The following STAC variants were observed in gnomAD, a reference collection of about 807,000 sequenced individuals.
STAC encodes the protein SH3 and cysteine rich domain.
STAC carries 43 observed loss-of-function variants against 48.8 expected under a neutral mutation model. The observed-to-expected ratio is 0.88, with a 90% CI of 0.69 to 1.14. The LOEUF (loss-of-function observed/expected upper bound fraction) is 1.14, where lower values mean the gene tolerates loss of function less well. STAC is among the 50% of genes most tolerant of loss of function. The pLI, the probability that STAC is intolerant of heterozygous loss-of-function variation, is 0.00. For synonymous variants in STAC, 193 were observed against 179.5 expected (o/e 1.07, Z -0.60); for missense variants, 497 against 504.0 (o/e 0.99, Z 0.13).
chr3:36,443,457 A>C lies in STAC; in HGVS notation c.205A>C (p.Met69Leu). 1 of 1,614,242 alleles carries C rather than the reference A, an allele frequency of 6.2e-7. No individual in the cohort carries two copies. Among genetic ancestry groups the C allele is most frequent in the Non-Finnish European group, 8.5e-7 (1 of 1,180,042 alleles). ...NFFQRTNSED[M>L]KLQAHMVAEI... ...CTTCCAGCGAACCAACAGCGAAGACATGAAACTGCAAGCACACATGGTGGC... is the reference window on the plus strand; with the variant it reads ...CTTCCAGCGAACCAACAGCGAAGACCTGAAACTGCAAGCACACATGGTGGC... Residue 69 changes from methionine (M) to leucine (L), a missense_variant, in exon 2 of 11, where the codon ATG becomes CTG. Met to Leu is a conservative substitution (Grantham distance 15). Coordinates refer to ENST00000273183, the MANE Select transcript of STAC (RefSeq NM_003149.3). The surrounding 1 kb of genome is among the most constrained non-coding windows in gnomAD (Gnocchi z 4.2).
chr3:36,392,435 G>T (rs576206017), intron 1 of STAC, among the ~76,000 whole-genome samples: 2 of 152,140 alleles, frequency 1.3e-5, no homozygotes, highest in East Asian at 1.9e-4. Context: ...AGCCTCCCAG[G>T]CTCAAGCAAT....
At chr3:36,408,165 T>C (rs1559480289) in intron 1 of STAC, among the ~76,000 whole-genome samples, 1 of 152,238 alleles carries the variant, frequency 6.6e-6, no homozygotes, top group Non-Finnish European at 1.5e-5. Flanking sequence ...TCACAGTGAC[T>C]ATCCCATCAC....
chr3:36,421,483 T>C (rs1184859893), intron 1 of STAC, among the ~76,000 whole-genome samples: 1 of 152,160 alleles, frequency 6.6e-6, no homozygotes, highest in Non-Finnish European at 1.5e-5. Context: ...TGTAAACTTC[T>C]GACAGGATAC....
intron 10 of STAC, among the ~76,000 whole-genome samples, chr3:36,536,113 T>G (rs1427215875): frequency 6.6e-6 from 1 of 152,194 alleles, no homozygotes; most frequent in African/African-American, 2.4e-5. Context: ...TTTTTTTGGT[T>G]GGTAGGCTAT....
chr3:36,536,415 A>T (rs904444746), intron 10 of STAC, among the ~76,000 whole-genome samples: 1 of 152,206 alleles, frequency 6.6e-6, no homozygotes, highest in Non-Finnish European at 1.5e-5. Context: ...CCAGTGGAAC[A>T]GTATAGAGGT....
At chr3:36,398,597 G>GAAGGAAGGAAGGAAGA (rs778907424) in intron 1 of STAC, among the ~76,000 whole-genome samples, 1 of 79,558 alleles carries the variant, frequency 1.3e-5, no homozygotes, top group Non-Finnish European at 2.3e-5. Flanking sequence ...AGGAAGGAAG[G>GAAGGAAGGAAGGAAGA]AAGAAAGGAA....
At chr3:36,396,149 A>G (rs1195320657) in intron 1 of STAC, among the ~76,000 whole-genome samples, 1 of 152,170 alleles carries the variant, frequency 6.6e-6, no homozygotes, top group Non-Finnish European at 1.5e-5. Context: ...ACAAGCTTAG[A>G]GATTTTCATA....
chr3:36,484,895 T>G, intron 3 of STAC, 82 bp from the exon 4 acceptor site: 2 of 1,106,124 alleles, frequency 1.8e-6, no homozygotes, highest in Non-Finnish European at 2.5e-6. Flanking sequence ...GAGAAACCAA[T>G]TGGTTTTATT....
chr3:36,486,083 C>T (rs758364785), intron 4 of STAC, 51 bp from the exon 5 acceptor site: 8 of 1,438,714 alleles, frequency 5.6e-6, no homozygotes, highest in South Asian at 1.2e-5. Flanking sequence ...AGGCAGTTGG[C>T]TGGGTCCTCT....
chr3:36,415,180 C>T (rs556029961), intron 1 of STAC, among the ~76,000 whole-genome samples: 11 of 152,302 alleles, frequency 7.2e-5, no homozygotes, highest in African/African-American at 2.4e-4. Flanking sequence ...GGGAGAACCA[C>T]TACTCTCTTC....
chr3:36,455,983 G>A (rs914577581), intron 2 of STAC, among the ~76,000 whole-genome samples: 1 of 152,014 alleles, frequency 6.6e-6, no homozygotes, highest in Non-Finnish European at 1.5e-5. Context: ...TGCAGCCCCT[G>A]CCTCAACAAC....
chr3:36,469,184 T>C (rs2125690036), intron 2 of STAC, among the ~76,000 whole-genome samples: 1 of 152,246 alleles, frequency 6.6e-6, no homozygotes, highest in South Asian at 2.1e-4. Flanking sequence ...ATATAGGTCC[T>C]GTGAGATTTA....
At chr3:36,451,982 T>C (rs1042954109) in intron 2 of STAC, among the ~76,000 whole-genome samples, 2 of 152,224 alleles carry the variant, frequency 1.3e-5, no homozygotes, top group Non-Finnish European at 2.9e-5. Context: ...CAGGGCTTTC[T>C]GCTGGCTTTA....
intron 2 of STAC, among the ~76,000 whole-genome samples, chr3:36,455,081 G>A (rs1696813576): frequency 6.6e-6 from 1 of 152,218 alleles, no homozygotes; most frequent in African/African-American, 2.4e-5. Context: ...AGGGGAGAGT[G>A]TCTGATCATT....
At position 36,547,208 on chromosome 3, in the gene STAC, T is replaced by G. The variant is rs902480217; in HGVS notation, c.*919T>G. 6 of 152,296 alleles carry G rather than the reference T, an allele frequency of 3.9e-5. No individual in the cohort carries two copies. The highest frequency in any genetic ancestry group is 1.4e-4 in the African/African-American group (6 of 41,474). The allele number at this position is 152,296 out of a possible 1,614,324, so 9.4% of individuals were successfully genotyped here. A position where few individuals can be genotyped will look rare whatever the true frequency, so the allele number is the denominator to read the frequency against. ...CTCTATTGGAGGCAGCACTTTTCCCTCATGCTGTCCTATAGGACTCCACTT... is the reference window on the plus strand; with the variant it reads ...CTCTATTGGAGGCAGCACTTTTCCCGCATGCTGTCCTATAGGACTCCACTT... On this transcript the variant is annotated 3_prime_UTR_variant, in exon 11 of 11. Transcript: ENST00000273183.
At position 36,530,668 on chromosome 3, in the gene STAC, T is replaced by C. The variant is rs1328226295; in HGVS notation, c.1110+1683T>C. 3.6e-5 allele frequency among the ~76,000 whole-genome samples: 5 copies of C among 138,680 alleles called. 1 individual carries two copies. In the Admixed American group the frequency reaches 4.1e-4, roughly 11 times the overall value. 91.0% of individuals were successfully genotyped at this position (138,680 alleles called of 152,430 possible). A position where few individuals can be genotyped will look rare whatever the true frequency, so the allele number is the denominator to read the frequency against. Reference sequence around the variant, plus strand: ...TGGAGTGCAATGGCACAATCTCGGCTCACAGCAACCTCCACCTCCCAGGTT... The same window carrying C: ...TGGAGTGCAATGGCACAATCTCGGCCCACAGCAACCTCCACCTCCCAGGTT... On this transcript the variant is annotated intron_variant, in intron 10 of 10. Coordinates refer to ENST00000273183, the MANE Select transcript of STAC (RefSeq NM_003149.3).
chr3:36,482,283 T>G (rs1265817399), intron 2 of STAC, among the ~76,000 whole-genome samples: 1 of 152,182 alleles, frequency 6.6e-6, no homozygotes, highest in African/African-American at 2.4e-5. Context: ...TGCCCTCTTA[T>G]TAGGCCTCCC....
intron 6 of STAC, among the ~76,000 whole-genome samples, chr3:36,500,455 G>A (rs1291334799): frequency 6.6e-6 from 1 of 152,168 alleles, no homozygotes; most frequent in Non-Finnish European, 1.5e-5. Flanking sequence ...GGCGAAGGAG[G>A]TAGGGGAGGG....
chr3:36,413,768 A>C (rs927738488), intron 1 of STAC, among the ~76,000 whole-genome samples: 13 of 152,176 alleles, frequency 8.5e-5, no homozygotes, highest in African/African-American at 2.4e-4. Flanking sequence ...TCTTCCTAGC[A>C]TCAATAGTCT....
Sources: allele counts gnomAD v4.1 joint callset (sites outside exome capture counted in the v4.1 genomes callset), GRCh38; gene constraint gnomAD v4.1.1; non-coding constraint Gnocchi (gnomAD v3.1); transcripts MANE v1.5; gene names NCBI Gene and HGNC (gene_info 2026-07-23, HGNC 2026-07-21).